CCDC91: variants seen among roughly 807,000 people sequenced by gnomAD.
CCDC91 encodes the protein coiled-coil domain-containing protein 91.
Under a neutral mutation model 63.2 loss-of-function variants are expected in CCDC91, and 48 were observed. That is an observed-to-expected ratio of 0.76 (90% CI 0.60 to 0.97). The LOEUF is 0.97. Ranked by LOEUF, CCDC91 falls within the 50% of genes least tolerant of loss-of-function variation. The probability of loss-of-function intolerance (pLI) is 0.00; values close to 1 mark genes in which losing one functional copy is unlikely to be tolerated. For synonymous variants in CCDC91, 167 were observed against 165.8 expected, an observed-to-expected ratio of 1.01 and a Z score of -0.06; for missense variants, 500 against 494.6, an observed-to-expected ratio of 1.01 and a Z score of -0.10.
At chr12:28,416,364 A>T (rs1565938989) in intron 8 of CCDC91, among the ~76,000 whole-genome samples, 1 of 152,092 alleles carries the variant, frequency 6.6e-6, no homozygotes, top group African/African-American at 2.4e-5. Flanking sequence ...TAGATATTGT[A>T]TGGTGTGTAC....
intron 11 of CCDC91, among the ~76,000 whole-genome samples, chr12:28,459,815 T>C (rs1242343211): frequency 3.3e-5 from 5 of 152,162 alleles, no homozygotes; most frequent in Admixed American, 1.3e-4. Context: ...CATTCAACTA[T>C]ACCATTCATG....
intron 12 of CCDC91, among the ~76,000 whole-genome samples, chr12:28,539,323 T>A (rs112663920): frequency 6.6e-5 from 10 of 152,256 alleles, no homozygotes; most frequent in African/African-American, 1.2e-4. Context: ...CTTTCTACAT[T>A]TGGCTAGCCA....
intron 12 of CCDC91, among the ~76,000 whole-genome samples, chr12:28,497,770 T>A (rs991577379): frequency 5.9e-5 from 9 of 151,714 alleles, no homozygotes; most frequent in Non-Finnish European, 1.2e-4. Context: ...TTTACAAAAA[T>A]TTAAATGTAT....
chr12:28,510,237 A>ATGTGTGTGTGTGTGTGTGTGTGTGTGTG (rs60548491), intron 12 of CCDC91, among the ~76,000 whole-genome samples: 2 of 149,028 alleles, frequency 1.3e-5, no homozygotes, highest in Non-Finnish European at 3.0e-5. Flanking sequence ...TCAATAGGGC[A>ATGTGTGTGTGTGTGTGTGTGTGTGTGTG]TGTGTGTGTG....
intron 1 of CCDC91, among the ~76,000 whole-genome samples, chr12:28,251,482 T>G (rs531322223): frequency 7.2e-5 from 11 of 152,214 alleles, no homozygotes; most frequent in Non-Finnish European, 1.6e-4. Context: ...AAGAAAAACT[T>G]TCTTGAGTTT....
intron 1 of CCDC91, among the ~76,000 whole-genome samples, chr12:28,243,287 A>G (rs750344889): frequency 3.3e-5 from 5 of 152,208 alleles, no homozygotes; most frequent in South Asian, 2.1e-4. Context: ...AGGCGATCGT[A>G]TAAGGTAGAT....
chr12:28,245,651 A>T (rs1406712557), intron 1 of CCDC91, among the ~76,000 whole-genome samples: 2 of 152,178 alleles, frequency 1.3e-5, no homozygotes, highest in Non-Finnish European at 2.9e-5. Context: ...CAACACAGTC[A>T]AAAAATAAAG....
intron 12 of CCDC91, among the ~76,000 whole-genome samples, chr12:28,508,646 A>C (rs1356232296): frequency 6.6e-6 from 1 of 151,866 alleles, no homozygotes; most frequent in Non-Finnish European, 1.5e-5. Flanking sequence ...GCCTGAAGTG[A>C]CCAGGTGACA....
intron 1 of CCDC91, among the ~76,000 whole-genome samples, chr12:28,253,279 G>A (rs747865143): frequency 6.6e-6 from 1 of 152,024 alleles, no homozygotes; most frequent in Non-Finnish European, 1.5e-5. Context: ...CTGTTGTTTT[G>A]GTTGCTGAGT....
chr12:28,364,373 G>A (rs1944131129), intron 7 of CCDC91, among the ~76,000 whole-genome samples: 1 of 152,048 alleles, frequency 6.6e-6, no homozygotes, highest in South Asian at 2.1e-4. Context: ...AGGTGACAGA[G>A]CGAGACTCCG....
chr12:28,306,219 T>A (rs945849240), intron 4 of CCDC91, among the ~76,000 whole-genome samples: 1 of 152,062 alleles, frequency 6.6e-6, no homozygotes, highest in Non-Finnish European at 1.5e-5. Flanking sequence ...AGTTATAAGG[T>A]TTATTCATTC....
chr12:28,208,312 TTAACA>T (rs1038455865), intron 1 of CCDC91, among the ~76,000 whole-genome samples: 1 of 139,774 alleles, frequency 7.2e-6, no homozygotes, highest in Non-Finnish European at 1.6e-5. Context: ...CTACAATAAC[TTAACA>T]TAACTTTAAT....
chr12:28,484,160 A>G lies in CCDC91; in HGVS notation c.1210A>G (p.Lys404Glu), dbSNP rs1172749030. ...ATTGATAGAGTATATAAAAGAACAG[A>G]AAAGGGTAAGTATCTCCTGAAGAGT... ...DELIEYIKEQ[K>E]RLDQVIRQRS... The change falls in exon 12 of 13, where the codon AAA becomes GAA. Residue 404 changes from lysine (K) to glutamate (E), a missense_variant. Physicochemically the swap from Lys to Glu is moderately conservative, Grantham distance 56. Coordinates refer to ENST00000536442, the MANE Select transcript of CCDC91 (RefSeq NM_018318.5). 1 of 1,582,382 alleles carries G rather than the reference A, an allele frequency of 6.3e-7. No homozygotes were observed.
chr12:28,256,001 G>A (rs1946417969), intron 1 of CCDC91: 1 of 152,086 alleles, frequency 6.6e-6, no homozygotes, highest in Non-Finnish European at 1.5e-5. Flanking sequence ...TTTTATTTTA[G>A]AAGTGGGAAA....
At chr12:28,234,310 C>T (rs1033602768) in intron 1 of CCDC91, among the ~76,000 whole-genome samples, 4 of 151,970 alleles carry the variant, frequency 2.6e-5, no homozygotes, top group African/African-American at 9.7e-5. Context: ...CTTTAAATAT[C>T]CTCTTTAATT....
intron 1 of CCDC91, among the ~76,000 whole-genome samples, chr12:28,211,850 A>G (rs1279401246): frequency 1.3e-5 from 2 of 152,060 alleles, no homozygotes; most frequent in Middle Eastern, 3.2e-3. Context: ...CAAATGCCAA[A>G]TTTTATAACC....
At chr12:28,191,219 A>G (rs560902815) in intron 1 of CCDC91, 1 of 152,210 alleles carries the variant, frequency 6.6e-6, no homozygotes, top group South Asian at 2.1e-4. Flanking sequence ...CAATAAAGAT[A>G]TTTTCTCCAT....
chr12:28,526,395 T>C (rs1565524489), intron 12 of CCDC91, among the ~76,000 whole-genome samples: 1 of 152,152 alleles, frequency 6.6e-6, no homozygotes, highest in African/African-American at 2.4e-5. Context: ...AATTCTTGGC[T>C]GATAATTGTT....
At chr12:28,428,148 A>G (rs1383503884) in intron 8 of CCDC91, among the ~76,000 whole-genome samples, 1 of 152,198 alleles carries the variant, frequency 6.6e-6, no homozygotes, top group Admixed American at 6.5e-5. Context: ...GTACTCAGTC[A>G]TCATTATTCA....
Sources: gnomAD v4.1 joint callset for allele counts (sites outside exome capture counted in the v4.1 genomes callset) on GRCh38, gnomAD v4.1.1 for gene constraint, MANE v1.5 for transcripts, NCBI Gene and HGNC (gene_info 2026-07-23, HGNC 2026-07-21) for gene names.